MYO16: variants seen among roughly 807,000 people sequenced by gnomAD.
The protein encoded by MYO16 is unconventional myosin-XVI.
Under a neutral mutation model 205.3 loss-of-function variants are expected in MYO16, and 94 were observed. The ratio of observed to expected loss-of-function variants is 0.46; its 90% CI spans 0.39 to 0.54. The LOEUF is 0.54. Among genes scored for constraint, MYO16 ranks in the 20% least tolerant of loss-of-function variants. The probability of loss-of-function intolerance (pLI) is 0.00; values close to 1 mark genes in which losing one functional copy is unlikely to be tolerated. For missense variants in MYO16, 2,315 were observed against 2,387.5 expected (o/e 0.97, Z 0.63); for synonymous variants, 988 against 954.0 (o/e 1.04, Z -0.66).
the MYO16 span, among the ~76,000 whole-genome samples, chr13:108,557,945 A>T: frequency 1.3e-5 from 2 of 152,326 alleles, no homozygotes; most frequent in Admixed American, 6.5e-5. Context: ...ACACATACAC[A>T]TATATGTTAT....
At chr13:108,955,958 C>G (rs1883332677) in intron 16 of MYO16, among the ~76,000 whole-genome samples, 1 of 152,154 alleles carries the variant, frequency 6.6e-6, no homozygotes, top group Non-Finnish European at 1.5e-5. Context: ...TTCCTCAGCC[C>G]TAATTCCAGC....
At chr13:109,114,193 G>A (rs1875554869) in intron 28 of MYO16, among the ~76,000 whole-genome samples, 1 of 152,142 alleles carries the variant, frequency 6.6e-6, no homozygotes, top group Non-Finnish European at 1.5e-5. Flanking sequence ...AAAAGAGAGT[G>A]ACCCAGGGTC....
intron 7 of MYO16, among the ~76,000 whole-genome samples, chr13:108,812,506 C>T (rs1031450692): frequency 1.1e-4 from 16 of 140,526 alleles, no homozygotes; most frequent in African/African-American, 3.8e-4. Flanking sequence ...AGGAAATCAT[C>T]CTGGAGATTT....
At chr13:108,632,877 C>T (rs1279824537) in intron 1 of MYO16, among the ~76,000 whole-genome samples, 1 of 152,128 alleles carries the variant, frequency 6.6e-6, no homozygotes, top group Admixed American at 6.6e-5. Context: ...GAGTCATGGG[C>T]TCACAGAACT....
At chr13:108,871,041 C>T (rs1030170769) in intron 12 of MYO16, among the ~76,000 whole-genome samples, 1 of 151,980 alleles carries the variant, frequency 6.6e-6, no homozygotes, top group African/African-American at 2.4e-5. Context: ...TCTTCGTTTT[C>T]TACTTTTGTT....
chr13:108,673,318 G>A (rs974022354), intron 2 of MYO16, among the ~76,000 whole-genome samples: 1 of 151,142 alleles, frequency 6.6e-6, no homozygotes, highest in African/African-American at 2.4e-5. Flanking sequence ...TTATGCTTTG[G>A]GGTTTTTCAT....
intron 27 of MYO16, among the ~76,000 whole-genome samples, chr13:109,079,308 C>A (rs545305477): frequency 6.6e-6 from 1 of 151,974 alleles, no homozygotes; most frequent in African/African-American, 2.4e-5. Flanking sequence ...GAGGGCAAAT[C>A]GGAGACTATT....
Position 108,666,051 on chromosome 13 carries a change from G to C in MYO16, c.194G>C (p.Gly65Ala), listed in dbSNP as rs200322681. Residue 65 changes from glycine (G) to alanine (A), a missense_variant, in exon 2 of 35, where the codon GGG becomes GCG. Gly to Ala is a moderately conservative substitution (Grantham distance 60, BLOSUM62 0). Around this residue, in one of 3 missense-constraint regions of MYO16, gnomAD observed 1,213 missense variants for 1,274.4 expected, o/e 0.95. Transcript: ENST00000457511. Reference protein sequence around the residue: ...EREKAFQKQEGFLKRLKHAKN... With the variant: ...EREKAFQKQEAFLKRLKHAKN... ...GAGAAGGCTTTTCAGAAGCAGGAAGGGTTCCTGAAAAGGCTGAAGCATGCG... is the reference window on the plus strand; with the variant it reads ...GAGAAGGCTTTTCAGAAGCAGGAAGCGTTCCTGAAAAGGCTGAAGCATGCG... 6.2e-7 allele frequency: 1 copy of C among 1,614,132 alleles called. No homozygotes were observed. Among genetic ancestry groups the C allele is most frequent in the African/African-American group, 1.3e-5 (1 of 75,046 alleles).
the MYO16 span, among the ~76,000 whole-genome samples, chr13:108,560,346 G>C: frequency 6.6e-6 from 1 of 152,214 alleles, no homozygotes. Flanking sequence ...AGACAGGGTG[G>C]TGAGCAAGTG....
chr13:108,711,836 A>G (rs1446992676), intron 2 of MYO16, among the ~76,000 whole-genome samples: 1 of 152,194 alleles, frequency 6.6e-6, no homozygotes, highest in East Asian at 1.9e-4. Flanking sequence ...ATAAAAGAGT[A>G]ATTGTTGCTT....
At chr13:108,768,848 C>A (rs1018777232) in intron 4 of MYO16, among the ~76,000 whole-genome samples, 1 of 151,888 alleles carries the variant, frequency 6.6e-6, no homozygotes. Context: ...ACAAGCACAA[C>A]CCTAATATTT....
At chr13:109,126,393 ATATAAT>A (rs749222979) in intron 30 of MYO16, among the ~76,000 whole-genome samples, 12 of 152,216 alleles carry the variant, frequency 7.9e-5, no homozygotes, top group Non-Finnish European at 1.6e-4. Context: ...CCACAGAAAG[ATATAAT>A]TATAAAAACA....
At chr13:109,135,141 A>C (rs940787926) in intron 31 of MYO16, among the ~76,000 whole-genome samples, 2 of 152,150 alleles carry the variant, frequency 1.3e-5, no homozygotes, top group African/African-American at 4.8e-5. Context: ...ACACAAGCAA[A>C]ATGCATCAGA....
intron 7 of MYO16, among the ~76,000 whole-genome samples, chr13:108,819,634 G>A (rs1042074263): frequency 2.0e-5 from 3 of 151,912 alleles, no homozygotes; most frequent in Non-Finnish European, 4.4e-5. Flanking sequence ...AATAACACAT[G>A]TATATTATAT....
intron 11 of MYO16, among the ~76,000 whole-genome samples, chr13:108,862,453 T>G (rs9514934): frequency 0.34 from 52,012 of 152,012 alleles, 9,332 homozygotes; most frequent in African/African-American, 0.39. Flanking sequence ...ATTTCACAAT[T>G]GTGAAGGAGG....
the MYO16 span, among the ~76,000 whole-genome samples, chr13:108,553,803 A>G: frequency 6.6e-6 from 1 of 152,080 alleles, no homozygotes; most frequent in Non-Finnish European, 1.5e-5. Context: ...TCTTCTTAGC[A>G]CAGCCTTCTC....
At chr13:108,667,919 A>G (rs1025523829) in intron 2 of MYO16, among the ~76,000 whole-genome samples, 1 of 152,050 alleles carries the variant, frequency 6.6e-6, no homozygotes, top group Non-Finnish European at 1.5e-5. Context: ...CTGGTGGTGC[A>G]TGCCCAGCTA....
At chr13:108,603,782 C>A (rs1048142050) in intron 1 of MYO16, among the ~76,000 whole-genome samples, 3 of 152,148 alleles carry the variant, frequency 2.0e-5, no homozygotes, top group Non-Finnish European at 4.4e-5. Flanking sequence ...TGCTATTTGC[C>A]TGTCTCTCAG....
intron 22 of MYO16, among the ~76,000 whole-genome samples, chr13:109,010,928 GCTCT>G (rs1214144880): frequency 1.3e-4 from 18 of 134,372 alleles, no homozygotes; most frequent in African/African-American, 4.7e-4. Context: ...TTCTAGGGCT[GCTCT>G]CTATTATATA....
Sources: allele counts gnomAD v4.1 joint callset (sites outside exome capture counted in the v4.1 genomes callset), GRCh38; gene constraint gnomAD v4.1.1; regional missense constraint gnomAD v4.1.1; transcripts MANE v1.5; gene names NCBI Gene and HGNC (gene_info 2026-07-23, HGNC 2026-07-21).